UBL7: variants seen among roughly 807,000 people sequenced by gnomAD.
The protein encoded by UBL7 is ubiquitin like 7.
In UBL7, 21 loss-of-function variants were observed where a neutral mutation model predicts 41.7. The observed-to-expected ratio is 0.50, with a 90% CI of 0.36 to 0.73. UBL7 has a LOEUF of 0.73. Among genes scored for constraint, UBL7 ranks in the 30% least tolerant of loss-of-function variants. UBL7 has a pLI of 0.00. For synonymous variants in UBL7, 157 were observed against 186.9 expected, an observed-to-expected ratio of 0.84 and a Z score of 1.31; for missense variants, 403 against 478.4, an observed-to-expected ratio of 0.84 and a Z score of 1.47.
At chr15:74,459,009 T>C (rs1032000732) in intron 1 of UBL7, 113 bp from the exon 2 acceptor site, 8 of 1,002,570 alleles carry the variant, frequency 8.0e-6, no homozygotes, top group East Asian at 7.7e-5. Context: ...TGAAGAGGCA[T>C]AGGGCGTACC....
chr15:74,459,980 A>T (rs1394542933), intron 1 of UBL7, among the ~76,000 whole-genome samples: 1 of 136,182 alleles, frequency 7.3e-6, no homozygotes, highest in Admixed American at 7.7e-5. Context: ...GGTGGCTCAC[A>T]CCTGTAATCC....
In UBL7 at chr15:74,449,206, T is replaced by A. The variant is rs1335398712; in HGVS notation, c.862A>T (p.Thr288Ser). The change falls in exon 9 of 11, where the codon ACA (threonine) becomes TCA (serine). Residue 288 changes from threonine (T) to serine (S), a missense_variant. Physicochemically the swap from Thr to Ser is moderately conservative, Grantham distance 58. Coordinates refer to ENST00000395081, the MANE Select transcript of UBL7 (RefSeq NM_032907.5). ...LASTPESSSH[T>S]PTPGTQGHSS... ...CATACCTGGGTGCCAGGAGTCGGTG[T>A]GTGAGAGCTGCTCTCCGGAGTGCTG... 6.4e-7 allele frequency: 1 copy of A among 1,570,560 alleles called. No homozygotes were observed. The highest frequency in any genetic ancestry group is 2.0e-4 in the Middle Eastern group (1 of 5,074).
chr15:74,452,760 A>G (rs7163775), intron 3 of UBL7, among the ~76,000 whole-genome samples: 37,610 of 152,070 alleles, frequency 0.25, 6,189 homozygotes, highest in East Asian at 0.55. Flanking sequence ...TTGCCCAGCC[A>G]GAATGCAGTG....
At chr15:74,450,987 T>C (rs2061240370) in intron 5 of UBL7, 128 bp from the exon 6 acceptor site, 4 of 961,026 alleles carry the variant, frequency 4.2e-6, no homozygotes, top group Admixed American at 2.0e-5. Context: ...TCATGAGAAG[T>C]AGAGGAAGCA....
chr15:74,449,962 G>A lies in UBL7; in HGVS notation c.638C>T (p.Pro213Leu), dbSNP rs1488739483. ...TGGCATATCCCGGTATGAGCTGGAG[G>A]GCATGCTCCGGGAAGAGGAGTCAGT... ...PGTDSSSRSM[P>L]SSSYRDMPGG... The change falls in exon 7 of 11, where the codon CCC becomes CTC. Residue 213 changes from proline (P) to leucine (L), a missense_variant. Pro to Leu is a moderately conservative substitution (Grantham distance 98). Transcript: ENST00000395081. The A allele has an allele frequency of 6.2e-7, 1 of 1,612,868 alleles. No individual in the cohort carries two copies. The highest frequency in any genetic ancestry group is 1.3e-5 in the African/African-American group (1 of 74,900).
At chr15:74,455,386 G>A (rs1326643987) in intron 3 of UBL7, among the ~76,000 whole-genome samples, 1 of 152,140 alleles carries the variant, frequency 6.6e-6, no homozygotes, top group Non-Finnish European at 1.5e-5. Context: ...AAAGGCATCT[G>A]AGGCTTTGTA....
In UBL7 at chr15:74,459,932, C is replaced by CAAAAAA. The variant is rs55846825; in HGVS notation, c.-29-1042_-29-1037dup. Among the ~76,000 whole-genome samples, 3 of 18,270 alleles carry CAAAAAA rather than the reference C, an allele frequency of 1.6e-4. 1 individual carries two copies. Among genetic ancestry groups the CAAAAAA allele is most frequent in the African/African-American group, 5.7e-4 (3 of 5,266 alleles). 12.0% of individuals were successfully genotyped at this position (18,270 alleles called of 152,430 possible). The stretch of plus-strand genomic sequence containing the variant: ...TGGGTGACAGAGAGAGACTCTGTCG[C>CAAAAAA]AAAAAAAAAAAAAAAAAAAAAAAAA... On this transcript the variant is annotated intron_variant, in intron 1 of 10. Coordinates refer to ENST00000395081, the MANE Select transcript of UBL7 (RefSeq NM_032907.5).
rs1488261404 is a variant in UBL7, at chr15:74,452,336, A to G, written c.347T>C (p.Leu116Ser). 3.2e-6 allele frequency: 5 copies of G among 1,561,362 alleles called. No individual in the cohort carries two copies. Among genetic ancestry groups the G allele is most frequent in the Non-Finnish European group, 4.3e-6 (5 of 1,151,542 alleles). The change falls in exon 4 of 11, where the codon TTG becomes TCG. Residue 116 changes from leucine to serine, a missense_variant. By Grantham distance (145) the Leu-to-Ser change is moderately radical (BLOSUM62 -2). Transcript: ENST00000395081. ...GGAGCTGCTGTGCAGGGCAGTGTGC[A>G]ACACCCGGAACTCTCTCATGGCAGC... ...KVAAMREFRV[L>S]HTALHSSSSY... is the part of the protein sequence containing the mutation.
At chr15:74,447,946 G>A (rs2061201172) in intron 10 of UBL7, among the ~76,000 whole-genome samples, 1 of 152,136 alleles carries the variant, frequency 6.6e-6, no homozygotes, top group African/African-American at 2.4e-5. Context: ...CTGGAAATCA[G>A]CCCCTTCCTA....
rs562750698 is a variant in UBL7 at position 74,450,206 on chromosome 15, C to T, written c.531-137G>A. ...AAATTCCTCAGTCTTTAGCATCTTC[C>T]ACCAGGAAGCTTTATCCTCCTGCTG... On this transcript the variant is annotated intron_variant, in intron 6 of 10. Coordinates refer to ENST00000395081, the MANE Select transcript of UBL7 (RefSeq NM_032907.5). 7.8e-5 allele frequency: 88 copies of T among 1,121,038 alleles called. 1 individual carries two copies. The African/African-American group carries it at 1.3e-3, about 16-fold the overall frequency. 69.4% of individuals were successfully genotyped at this position (1,121,038 alleles called of 1,614,324 possible).
At chr15:74,455,862 C>T (rs1385495345) in intron 3 of UBL7, among the ~76,000 whole-genome samples, 2 of 152,062 alleles carry the variant, frequency 1.3e-5, no homozygotes, top group Admixed American at 1.3e-4. Context: ...CAGTGGCTCA[C>T]GCCTTTAATC....
intron 3 of UBL7, among the ~76,000 whole-genome samples, chr15:74,452,625 G>C (rs1023093431): frequency 1.3e-5 from 2 of 152,184 alleles, no homozygotes; most frequent in African/African-American, 4.8e-5. Context: ...AATTCAAGTT[G>C]CAGCAGAGGA....
chr15:74,460,008 G>A, intron 1 of UBL7, among the ~76,000 whole-genome samples: 1 of 143,994 alleles, frequency 6.9e-6, no homozygotes, highest in East Asian at 2.1e-4. Flanking sequence ...TTGGGAGGCC[G>A]CGGAGGACGG....
At chr15:74,454,079 C>A (rs889963307) in intron 3 of UBL7, among the ~76,000 whole-genome samples, 5 of 152,174 alleles carry the variant, frequency 3.3e-5, no homozygotes, top group African/African-American at 1.2e-4. Flanking sequence ...GCCAGGAAAA[C>A]CCCTGGTCCA....
rs765015077 is a variant in UBL7, at chr15:74,458,031, CCTT to C, written c.184+650_184+652del. 2.0e-5 allele frequency among the ~76,000 whole-genome samples: 3 copies of C among 152,260 alleles called. No homozygotes were observed. In the South Asian group the frequency reaches 6.2e-4, roughly 32 times the overall value. On this transcript the variant is annotated intron_variant, in intron 2 of 10. Transcript: ENST00000395081. The stretch of plus-strand genomic sequence containing the variant: ...TTTACTCAGTCAACCAAGCAAAAAT[CCTT>C]CTAATCATCCCTGAAGACCTACCTC...
At chr15:74,451,683 C>T (rs892984316) in intron 4 of UBL7, among the ~76,000 whole-genome samples, 163 bp from the exon 5 acceptor site, 1 of 151,646 alleles carries the variant, frequency 6.6e-6, no homozygotes. Context: ...GCTCTAAGAT[C>T]TTAGCTTACT....
intron 9 of UBL7, 76 bp from the exon 10 acceptor site, chr15:74,448,676 C>T: frequency 6.3e-7 from 1 of 1,578,178 alleles, no homozygotes; most frequent in East Asian, 2.3e-5. Flanking sequence ...GTTGTCATAT[C>T]ACCTCACAGC....
In UBL7 at chr15:74,461,120, A is replaced by C; in HGVS notation, c.-113T>G. On this transcript the variant is annotated 5_prime_UTR_variant, in exon 1 of 11. Transcript: ENST00000395081. ...CCAGCGCCCTCACCCGTCCCGCGGA[A>C]GGAACCCGGCCGCACTGCCGCCGGT... 1 of 998,526 alleles carries C rather than the reference A, an allele frequency of 1.0e-6. No homozygotes were observed. 61.9% of individuals were successfully genotyped at this position (998,526 alleles called of 1,614,324 possible). A position where few individuals can be genotyped will look rare whatever the true frequency, so the allele number is the denominator to read the frequency against.
chr15:74,452,555 A>C (rs561917510), intron 3 of UBL7, among the ~76,000 whole-genome samples, 177 bp from the exon 4 acceptor site: 1 of 152,362 alleles, frequency 6.6e-6, no homozygotes, highest in African/African-American at 2.4e-5. Context: ...CATGGATGTG[A>C]AAACTGCTAG....
Sources: gnomAD v4.1 joint callset for allele counts (sites outside exome capture counted in the v4.1 genomes callset) on GRCh38, gnomAD v4.1.1 for gene constraint, MANE v1.5 for transcripts, NCBI Gene and HGNC (gene_info 2026-07-23, HGNC 2026-07-21) for gene names.